The following LAMP1 variants were observed in gnomAD, a reference collection of about 807,000 sequenced individuals.
The protein encoded by LAMP1 is lysosome associated membrane protein 1.
Under a neutral mutation model 37.5 loss-of-function variants are expected in LAMP1, and 7 were observed. That is an observed-to-expected ratio of 0.19 (90% CI 0.11 to 0.35). The LOEUF is 0.35. Ranked by LOEUF, LAMP1 falls within the 10% of genes least tolerant of loss-of-function variation. The probability of loss-of-function intolerance (pLI) is 1.00; values close to 1 mark genes in which losing one functional copy is unlikely to be tolerated. For missense variants in LAMP1, 537 were observed against 552.8 expected, an observed-to-expected ratio of 0.97 and a Z score of 0.29; for synonymous variants, 236 against 229.1, an observed-to-expected ratio of 1.03 and a Z score of -0.27.
chr13:113,307,902 T>C (rs1300223269), intron 2 of LAMP1, among the ~76,000 whole-genome samples: 1 of 135,096 alleles, frequency 7.4e-6, no homozygotes, highest in East Asian at 2.1e-4. Context: ...GAGGCTGCAG[T>C]GAGCTATGAT....
At chr13:113,308,588 G>C (rs1402534587) in intron 2 of LAMP1, among the ~76,000 whole-genome samples, 1 of 152,054 alleles carries the variant, frequency 6.6e-6, no homozygotes, top group Non-Finnish European at 1.5e-5. Context: ...GCCTCCCCAA[G>C]TGCTGGGATT....
Position 113,322,708 on chromosome 13 carries a change from CTG to C in LAMP1, c.*289_*290del. 5.8e-5 allele frequency: 6 copies of C among 104,152 alleles called. No homozygotes were observed. The highest frequency in any genetic ancestry group is 1.6e-4 in the African/African-American group (4 of 24,690). 6.5% of individuals were successfully genotyped at this position (104,152 alleles called of 1,614,324 possible). A position where few individuals can be genotyped will look rare whatever the true frequency, so the allele number is the denominator to read the frequency against. ...TCTCTCTGAGGGGGTGGGGGTGCCGCTGTCTCTGAGGGGTGGGGGTGCCGCTG... is the reference window on the plus strand; with the variant it reads ...TCTCTCTGAGGGGGTGGGGGTGCCGCTCTCTGAGGGGTGGGGGTGCCGCTG... On this transcript the variant is annotated 3_prime_UTR_variant, in exon 9 of 9. Transcript: ENST00000332556.
intron 1 of LAMP1, among the ~76,000 whole-genome samples, chr13:113,301,623 C>A (rs2042571590): frequency 5.0e-5 from 5 of 99,592 alleles, no homozygotes; most frequent in East Asian, 6.0e-4. Context: ...ACTCTGTTTC[C>A]ATTTAAAAAA....
Position 113,319,533 on chromosome 13 carries a change from G to A in LAMP1, c.627G>A (p.Ser209=), listed in dbSNP as rs530779384. The change falls in exon 5 of 9, where the codon TCG becomes TCA. Residue 209 remains serine, a synonymous_variant. Coordinates refer to ENST00000332556, the MANE Select transcript of LAMP1 (RefSeq NM_005561.4). The part of the protein sequence containing the change: ...TTAPPAPPSP[S]PSPVPKSPSV... ...CGCCCCCTGCGCCACCCAGCCCCTCGCCCTCACCCGTGCCCAAGAGCCCCT... is the reference window on the plus strand; with the variant it reads ...CGCCCCCTGCGCCACCCAGCCCCTCACCCTCACCCGTGCCCAAGAGCCCCT... 31 of 1,613,834 alleles carry A rather than the reference G, an allele frequency of 1.9e-5. No individual in the cohort carries two copies. The highest frequency in any genetic ancestry group is 9.9e-5 in the South Asian group (9 of 91,070).
Position 113,306,178 on chromosome 13 carries a change from G to A in LAMP1, c.62-307G>A, listed in dbSNP as rs2042597170. 5.5e-5 allele frequency: 12 copies of A among 219,646 alleles called. No individual in the cohort carries two copies. In the South Asian group the frequency reaches 6.4e-4, roughly 12 times the overall value. 13.6% of individuals were successfully genotyped at this position (219,646 alleles called of 1,614,324 possible). ...GTTCAAGACCAGCCTGGCCAAAGTG[G>A]CAAAACCCCGTCGCTACTAAAAACA... On this transcript the variant is annotated intron_variant, in intron 1 of 8. Transcript: ENST00000332556.
At chr13:113,300,607 C>G (rs535069426) in intron 1 of LAMP1, among the ~76,000 whole-genome samples, 2 of 151,914 alleles carry the variant, frequency 1.3e-5, no homozygotes, top group East Asian at 3.9e-4. Flanking sequence ...GAGATCGAGA[C>G]CATCCTGGCC....
chr13:113,306,406 A>C, intron 1 of LAMP1, 79 bp from the exon 2 acceptor site: 135 of 1,365,752 alleles, frequency 9.9e-5, no homozygotes, highest in Middle Eastern at 2.3e-4. Flanking sequence ...CATCACTGCT[A>C]CAGCTGTGGA....
rs1428877168 is a variant in LAMP1, at chr13:113,321,887, C to G, written c.1114+160C>G. Reference sequence around the variant, plus strand: ...GTCTGAGATTCTAGAGGTAACTCCCCCTGCTTTAGAGAGGCCCAGCGTGTC... The same window carrying G: ...GTCTGAGATTCTAGAGGTAACTCCCGCTGCTTTAGAGAGGCCCAGCGTGTC... On this transcript the variant is annotated intron_variant, in intron 8 of 8. Coordinates refer to ENST00000332556, the MANE Select transcript of LAMP1 (RefSeq NM_005561.4). The surrounding 1 kb of genome is among the most constrained non-coding windows in gnomAD (Gnocchi z 5.6). The G allele has an allele frequency of 1.8e-5, 13 of 708,214 alleles. No individual in the cohort carries two copies. The Admixed American group carries it at 2.3e-4, about 12-fold the overall frequency. The allele number at this position is 708,214 out of a possible 1,614,324, so 43.9% of individuals were successfully genotyped here.
In LAMP1 at chr13:113,297,528, G is replaced by A; in HGVS notation, c.61+33G>A. ...GGTCGAGGCGGGGCCTGGGAGCGGC[G>A]GGACCGGGCGGAGCCGAGGTCCCTG... On this transcript the variant is annotated intron_variant, in intron 1 of 8. Coordinates refer to ENST00000332556, the MANE Select transcript of LAMP1 (RefSeq NM_005561.4). This position sits in a 1 kb window ranked among gnomAD's most constrained non-coding sequence, Gnocchi z 4.4. 1 of 1,229,908 alleles carries A rather than the reference G, an allele frequency of 8.1e-7. No individual in the cohort carries two copies. Among genetic ancestry groups the A allele is most frequent in the Non-Finnish European group, 1.0e-6 (1 of 985,018 alleles). The allele number at this position is 1,229,908 out of a possible 1,614,324, so 76.2% of individuals were successfully genotyped here.
chr13:113,315,729 T>C (rs575353193), intron 4 of LAMP1, among the ~76,000 whole-genome samples: 1 of 152,142 alleles, frequency 6.6e-6, no homozygotes, highest in African/African-American at 2.4e-5. Context: ...GATTTTATTT[T>C]AAAAGGAAAT....
chr13:113,321,470 G>A lies in LAMP1; in HGVS notation c.943G>A (p.Asp315Asn). The change falls in exon 7 of 9, where the codon GAC becomes AAC. Residue 315 changes from aspartate to asparagine, a missense_variant and splice_region_variant. By Grantham distance (23) the Asp-to-Asn change is conservative. Coordinates refer to ENST00000332556, the MANE Select transcript of LAMP1 (RefSeq NM_005561.4). The surrounding 1 kb of genome is among the most constrained non-coding windows in gnomAD (Gnocchi z 5.6). ...QLNTILPDARDPAFKAANGSL... is the reference protein window; with the variant it reads ...QLNTILPDARNPAFKAANGSL... ...GAATACAATTCTTCCTGACGCCAGAGGTGAGAACCCACAATCTCTGCGAGC... is the reference window on the plus strand; with the variant it reads ...GAATACAATTCTTCCTGACGCCAGAAGTGAGAACCCACAATCTCTGCGAGC... The A allele has an allele frequency of 6.2e-7, 1 of 1,614,118 alleles. No homozygotes were observed. The highest frequency in any genetic ancestry group is 8.5e-7 in the Non-Finnish European group (1 of 1,179,978).
chr13:113,319,368 A>G (rs767426869), intron 4 of LAMP1, 101 bp from the exon 5 acceptor site: 4 of 1,060,186 alleles, frequency 3.8e-6, no homozygotes, highest in Non-Finnish European at 4.1e-6. Flanking sequence ...CAAGGACGCC[A>G]GAGTCCACAG....
Position 113,321,579 on chromosome 13 carries a change from C to T in LAMP1, c.966C>T (p.Asn322=), listed in dbSNP as rs2270393. 10,800 of 1,614,106 alleles carry T rather than the reference C, an allele frequency of 6.7e-3. 551 individuals carry two copies. The East Asian group carries it at 0.14, about 20-fold the overall frequency. Reference sequence around the variant, plus strand: ...CAGACCCTGCCTTTAAAGCTGCCAACGGCTCCCTGCGAGCGCTGCAGGCCA... The same window carrying T: ...CAGACCCTGCCTTTAAAGCTGCCAATGGCTCCCTGCGAGCGCTGCAGGCCA... The part of the protein sequence containing the change: ...DARDPAFKAA[N]GSLRALQATV... Residue 322 remains asparagine (N), a synonymous_variant, in exon 8 of 9, where the codon AAC becomes AAT. Coordinates refer to ENST00000332556, the MANE Select transcript of LAMP1 (RefSeq NM_005561.4). The surrounding 1 kb of genome is among the most constrained non-coding windows in gnomAD (Gnocchi z 5.6).
chr13:113,323,005 A>G lies in LAMP1; in HGVS notation c.*584A>G, dbSNP rs1335334256. ...CCTCTGGCCGTCACACGTAGGACGC[A>G]TGAAGGTCACTCGTGGTGAGGCTGA... On this transcript the variant is annotated 3_prime_UTR_variant, in exon 9 of 9. Transcript: ENST00000332556. 1.3e-5 allele frequency: 2 copies of G among 153,316 alleles called. No individual in the cohort carries two copies. Among genetic ancestry groups the G allele is most frequent in the African/African-American group, 2.4e-5 (1 of 41,456 alleles). The allele number at this position is 153,316 out of a possible 1,614,324, so 9.5% of individuals were successfully genotyped here.
At chr13:113,318,081 TC>T (rs1335676868) in intron 4 of LAMP1, among the ~76,000 whole-genome samples, 1 of 152,224 alleles carries the variant, frequency 6.6e-6, no homozygotes, top group Non-Finnish European at 1.5e-5. Context: ...TTGGGACGGC[TC>T]CCAGTGGCCG....
chr13:113,321,458 C>G lies in LAMP1; in HGVS notation c.931C>G (p.Pro311Ala), dbSNP rs943758414. The G allele has an allele frequency of 6.2e-7, 1 of 1,613,952 alleles. No individual in the cohort carries two copies. Among genetic ancestry groups the G allele is most frequent in the Non-Finnish European group, 8.5e-7 (1 of 1,179,966 alleles). The change falls in exon 7 of 9, where the codon CCT (proline) becomes GCT (alanine). Residue 311 changes from proline (P) to alanine (A), a missense_variant. By Grantham distance (27) the Pro-to-Ala change is conservative. Transcript: ENST00000332556. This position sits in a 1 kb window ranked among gnomAD's most constrained non-coding sequence, Gnocchi z 5.6. Reference sequence around the variant, plus strand: ...AGGAATCCAGTTGAATACAATTCTTCCTGACGCCAGAGGTGAGAACCCACA... The same window carrying G: ...AGGAATCCAGTTGAATACAATTCTTGCTGACGCCAGAGGTGAGAACCCACA... ...LQGIQLNTIL[P>A]DARDPAFKAA...
chr13:113,311,871 G>A (rs1208473136), intron 4 of LAMP1, among the ~76,000 whole-genome samples: 3 of 152,176 alleles, frequency 2.0e-5, no homozygotes, highest in Admixed American at 1.3e-4. Flanking sequence ...CTTCTCTCCC[G>A]AGCCTCACAG....
At chr13:113,304,733 T>G (rs2042589970) in intron 1 of LAMP1, among the ~76,000 whole-genome samples, 1 of 152,018 alleles carries the variant, frequency 6.6e-6, no homozygotes, top group Non-Finnish European at 1.5e-5. Context: ...CTCGACTCAC[T>G]GCAACCTCGG....
At chr13:113,310,582 G>A (rs1300348952) in intron 3 of LAMP1, 127 bp from the exon 4 acceptor site, 2 of 876,838 alleles carry the variant, frequency 2.3e-6, no homozygotes, top group Admixed American at 2.7e-5. Context: ...TTGCAATTGT[G>A]ATTTTTTTTT....
Sources: allele counts gnomAD v4.1 joint callset (sites outside exome capture counted in the v4.1 genomes callset), GRCh38; gene constraint gnomAD v4.1.1; non-coding constraint Gnocchi (gnomAD v3.1); transcripts MANE v1.5; gene names NCBI Gene and HGNC (gene_info 2026-07-23, HGNC 2026-07-21).